Variants in CWF19L2 observed in about 807,000 individuals in gnomAD.
CWF19L2 encodes CWF19 like cell cycle control factor 2.
CWF19L2 carries 98 observed loss-of-function variants against 111.7 expected under a neutral mutation model. The ratio of observed to expected loss-of-function variants is 0.88; its 90% CI spans 0.75 to 1.04. The LOEUF is 1.04. CWF19L2 is among the 50% of genes least tolerant of loss of function. The probability of loss-of-function intolerance (pLI) is 0.00; values close to 1 mark genes in which losing one functional copy is unlikely to be tolerated. For missense variants in CWF19L2, 1,101 were observed against 1,051.4 expected, an observed-to-expected ratio of 1.05 and a Z score of -0.65; for synonymous variants, 351 against 342.9, an observed-to-expected ratio of 1.02 and a Z score of -0.26.
In CWF19L2 at chr11:107,454,341, A is replaced by C. The variant is rs1257837203; in HGVS notation, c.339+109T>G. On this transcript the variant is annotated intron_variant, in intron 3 of 17. Transcript: ENST00000282251. ...GTATCCCAGATATTTTCATATCATAACTAGTAATATATTTTTTACGTTTTC... is the reference window on the plus strand; with the variant it reads ...GTATCCCAGATATTTTCATATCATACCTAGTAATATATTTTTTACGTTTTC... 17 of 817,840 alleles carry C rather than the reference A, an allele frequency of 2.1e-5. No homozygotes were observed. In the East Asian group the frequency reaches 5.6e-4, roughly 27 times the overall value. 50.7% of individuals were successfully genotyped at this position (817,840 alleles called of 1,614,324 possible). A position where few individuals can be genotyped will look rare whatever the true frequency, so the allele number is the denominator to read the frequency against.
rs537336801 is a variant in CWF19L2, at chr11:107,393,867, A to C, written c.1618-972T>G. On this transcript the variant is annotated intron_variant, in intron 10 of 17. Coordinates refer to ENST00000282251, the MANE Select transcript of CWF19L2 (RefSeq NM_152434.3). ...TAAAGAGGGAAATAATAGACACTGT[A>C]GTCTCCAAAAGCAGGGAGGATGGAA... Among the ~76,000 whole-genome samples, 4 of 152,272 alleles carry C rather than the reference A, an allele frequency of 2.6e-5. No homozygotes were observed. The South Asian group carries it at 8.3e-4, about 32-fold the overall frequency.
At chr11:107,357,160 G>C (rs1399873969) in intron 12 of CWF19L2, among the ~76,000 whole-genome samples, 1 of 152,156 alleles carries the variant, frequency 6.6e-6, no homozygotes, top group Non-Finnish European at 1.5e-5. Flanking sequence ...AAACTGGTTG[G>C]TCTGAATACA....
intron 6 of CWF19L2, among the ~76,000 whole-genome samples, chr11:107,435,741 T>A (rs369326857): frequency 1.7e-4 from 26 of 152,150 alleles, no homozygotes; most frequent in South Asian, 6.2e-4. Flanking sequence ...TCACCAAATT[T>A]AATATTTAAA....
intron 14 of CWF19L2, among the ~76,000 whole-genome samples, chr11:107,344,088 C>T (rs940421038): frequency 2.0e-5 from 3 of 152,146 alleles, no homozygotes; most frequent in African/African-American, 4.8e-5. Context: ...TGGTGCATGC[C>T]TGTAGTGCCA....
chr11:107,437,410 A>G (rs1467776888), intron 6 of CWF19L2, among the ~76,000 whole-genome samples: 1 of 152,144 alleles, frequency 6.6e-6, no homozygotes. Context: ...TACCTCCTTA[A>G]TACAGATATT....
intron 12 of CWF19L2, among the ~76,000 whole-genome samples, chr11:107,374,813 GAC>G (rs1166239838): frequency 5.3e-5 from 8 of 151,464 alleles, no homozygotes; most frequent in African/African-American, 1.9e-4. Flanking sequence ...CCAATTAAAA[GAC>G]ACAGACTGGC....
chr11:107,427,614 T>G (rs936054008), intron 8 of CWF19L2, among the ~76,000 whole-genome samples: 2 of 152,100 alleles, frequency 1.3e-5, no homozygotes, highest in Non-Finnish European at 2.9e-5. Context: ...ATCCAAATGC[T>G]AACCCAATCC....
intron 10 of CWF19L2, among the ~76,000 whole-genome samples, chr11:107,411,609 G>A (rs572028151): frequency 5.1e-4 from 78 of 152,204 alleles, no homozygotes; most frequent in Non-Finnish European, 5.7e-4. Context: ...ATAATTGAGT[G>A]ATTTGCTAAA....
Position 107,392,764 on chromosome 11 carries a change from A to C in CWF19L2, c.1734+15T>G, listed in dbSNP as rs78566481. 0.017 allele frequency: 24,558 copies of C among 1,408,034 alleles called. 297 individuals carry two copies. The highest frequency in any genetic ancestry group is 0.038 in the Middle Eastern group (214 of 5,658). 87.2% of individuals were successfully genotyped at this position (1,408,034 alleles called of 1,614,324 possible). ...GAATTCTGAATTAATAAACAAAGAC[A>C]TATGTTAAACATACCATCTGTCTCT... On this transcript the variant is annotated intron_variant, in intron 11 of 17. Coordinates refer to ENST00000282251, the MANE Select transcript of CWF19L2 (RefSeq NM_152434.3).
At chr11:107,425,179 A>AACAC (rs138792527) in intron 8 of CWF19L2, among the ~76,000 whole-genome samples, 10,602 of 144,830 alleles carry the variant, frequency 0.073, 502 homozygotes, top group African/African-American at 0.14. Context: ...CTCTCTTTGA[A>AACAC]ACACACACAC....
chr11:107,344,023 T>C (rs1208455242), intron 14 of CWF19L2, among the ~76,000 whole-genome samples: 3 of 152,142 alleles, frequency 2.0e-5, no homozygotes, highest in Non-Finnish European at 4.4e-5. Flanking sequence ...AAGACCAGCC[T>C]GGCCAACATG....
chr11:107,329,624 G>C (rs1191876589), intron 17 of CWF19L2, among the ~76,000 whole-genome samples: 5 of 152,158 alleles, frequency 3.3e-5, no homozygotes, highest in Non-Finnish European at 4.4e-5. Flanking sequence ...CCCTTAATAA[G>C]TTTTAACAAT....
At chr11:107,329,404 T>C (rs1859809889) in intron 17 of CWF19L2, among the ~76,000 whole-genome samples, 1 of 152,176 alleles carries the variant, frequency 6.6e-6, no homozygotes. Flanking sequence ...TAATTATAAA[T>C]GAAGATGAGA....
At chr11:107,453,847 C>T (rs2135431784) in intron 3 of CWF19L2, among the ~76,000 whole-genome samples, 1 of 152,016 alleles carries the variant, frequency 6.6e-6, no homozygotes, top group African/African-American at 2.4e-5. Flanking sequence ...AGTTCTTGGG[C>T]CTTAAGGGAA....
chr11:107,330,725 T>A (rs6588964), intron 16 of CWF19L2, among the ~76,000 whole-genome samples: 41,027 of 149,826 alleles, frequency 0.27, 5,886 homozygotes, highest in Non-Finnish European at 0.32. Context: ...AGCCACAAAT[T>A]CTTGTTTTCT....
intron 7 of CWF19L2, among the ~76,000 whole-genome samples, chr11:107,433,275 G>A (rs943303139): frequency 6.6e-6 from 1 of 151,812 alleles, no homozygotes; most frequent in African/African-American, 2.4e-5. Context: ...AAAAAAATCC[G>A]TAAAGTACCC....
At chr11:107,359,595 G>A (rs575259805) in intron 12 of CWF19L2, among the ~76,000 whole-genome samples, 6 of 152,150 alleles carry the variant, frequency 3.9e-5, no homozygotes, top group South Asian at 2.1e-4. Context: ...AGACTCTACC[G>A]GTCTAGAGGT....
chr11:107,381,315 C>T (rs1860683285), intron 12 of CWF19L2, among the ~76,000 whole-genome samples: 1 of 152,014 alleles, frequency 6.6e-6, no homozygotes, highest in African/African-American at 2.4e-5. Context: ...TCTTATGATC[C>T]CACCTTCCTC....
chr11:107,389,008 C>T (rs1435135334), intron 12 of CWF19L2, among the ~76,000 whole-genome samples: 1 of 152,220 alleles, frequency 6.6e-6, no homozygotes, highest in Admixed American at 6.5e-5. Context: ...TCTTCCCCAA[C>T]ACAACATACA....
Sources: allele counts gnomAD v4.1 joint callset (sites outside exome capture counted in the v4.1 genomes callset), GRCh38; gene constraint gnomAD v4.1.1; transcripts MANE v1.5; gene names NCBI Gene and HGNC (gene_info 2026-07-23, HGNC 2026-07-21).